CSTF3: variants seen among roughly 807,000 people sequenced by gnomAD.
CSTF3 encodes CF-1 77 kDa subunit.
In CSTF3, 29 loss-of-function variants were observed where a neutral mutation model predicts 105.8. The ratio of observed to expected loss-of-function variants is 0.27; its 90% CI spans 0.20 to 0.37. The LOEUF (loss-of-function observed/expected upper bound fraction) is 0.37. Among genes scored for constraint, CSTF3 ranks in the 10% least tolerant of loss-of-function variants. The pLI is 1.00. For missense variants in CSTF3, 357 were observed against 879.3 expected (o/e 0.41, Z 7.51); for synonymous variants, 252 against 281.9 (o/e 0.89, Z 1.06).
intron 3 of CSTF3, among the ~76,000 whole-genome samples, chr11:33,117,679 G>A (rs1379334130): frequency 6.6e-6 from 1 of 151,482 alleles, no homozygotes; most frequent in East Asian, 1.9e-4. Flanking sequence ...ATATATATGA[G>A]GATGTTCATT....
Position 33,113,062 on chromosome 11 carries a change from C to T in CSTF3, c.226-4644G>A, listed in dbSNP as rs1364407628. Among the ~76,000 whole-genome samples, 3 of 151,994 alleles carry T rather than the reference C, an allele frequency of 2.0e-5. No individual in the cohort carries two copies. In the East Asian group the frequency reaches 5.8e-4, roughly 30 times the overall value. On this transcript the variant is annotated intron_variant, in intron 3 of 20. Transcript: ENST00000323959. The stretch of plus-strand genomic sequence containing the variant: ...GTCTCTACTAAAAATATAAAATTAG[C>T]TGGGCATGGTGGCGCATGCCTGTAG...
At chr11:33,120,379 AGAGTTT>A (rs2133786366) in intron 3 of CSTF3, among the ~76,000 whole-genome samples, 1 of 151,916 alleles carries the variant, frequency 6.6e-6, no homozygotes, top group Admixed American at 6.6e-5. Flanking sequence ...TTTCTCCATT[AGAGTTT>A]TTTTCTTATA....
At chr11:33,136,674 CAT>C (rs1855656767) in intron 3 of CSTF3, among the ~76,000 whole-genome samples, 2 of 151,930 alleles carry the variant, frequency 1.3e-5, no homozygotes, top group African/African-American at 2.4e-5. Flanking sequence ...TAAAAAGTCT[CAT>C]GTGTTAGAAT....
chr11:33,091,683 C>A (rs2133769721), intron 16 of CSTF3, among the ~76,000 whole-genome samples: 1 of 152,222 alleles, frequency 6.6e-6, no homozygotes, highest in African/African-American at 2.4e-5. Flanking sequence ...ATGTTAATAT[C>A]AATTTCTAGG....
At chr11:33,159,421 TC>T (rs1849908136) in intron 1 of CSTF3, among the ~76,000 whole-genome samples, 1 of 151,322 alleles carries the variant, frequency 6.6e-6, no homozygotes, top group South Asian at 2.1e-4. Context: ...CGTGGCAAAA[TC>T]CCCGTCTCTA....
intron 3 of CSTF3, among the ~76,000 whole-genome samples, chr11:33,128,646 A>G (rs1056473505): frequency 6.6e-6 from 1 of 152,148 alleles, no homozygotes; most frequent in Non-Finnish European, 1.5e-5. Flanking sequence ...TCATATTTCT[A>G]TAATATTTCT....
chr11:33,152,756 C>T (rs990975686), intron 1 of CSTF3, among the ~76,000 whole-genome samples: 11 of 151,884 alleles, frequency 7.2e-5, no homozygotes, highest in African/African-American at 9.7e-5. Context: ...GTCAGGAGTT[C>T]GAGACCAGCC....
At chr11:33,150,580 G>A (rs1365279898) in intron 1 of CSTF3, among the ~76,000 whole-genome samples, 1 of 152,188 alleles carries the variant, frequency 6.6e-6, no homozygotes, top group African/African-American at 2.4e-5. Flanking sequence ...AGGGGGGCCA[G>A]GCACAGTGGC....
chr11:33,123,756 T>A (rs1299052001), intron 3 of CSTF3, among the ~76,000 whole-genome samples: 1 of 152,124 alleles, frequency 6.6e-6, no homozygotes, highest in African/African-American at 2.4e-5. Flanking sequence ...AACACATGAA[T>A]GTATGTGCAT....
chr11:33,139,408 T>TAAC (rs1855686660), intron 3 of CSTF3, among the ~76,000 whole-genome samples: 1 of 152,004 alleles, frequency 6.6e-6, no homozygotes, highest in Non-Finnish European at 1.5e-5. Context: ...ACTTAAGTAT[T>TAAC]ACTTTCAATG....
In CSTF3 at chr11:33,105,880, T is replaced by C. The variant is rs777931572; in HGVS notation, c.458+3A>G. 198 of 1,561,982 alleles carry C rather than the reference T, an allele frequency of 1.3e-4. 1 individual carries two copies. Among genetic ancestry groups the C allele is most frequent in the Non-Finnish European group, 1.7e-4 (192 of 1,152,400 alleles). On this transcript the variant is annotated splice_donor_region_variant and intron_variant, in intron 7 of 20. Transcript: ENST00000323959. Reference sequence around the variant, plus strand: ...TGTAAAAAAAAACTATACAAATACTTACACGCCTTTTAGGAAATTGATGTA... The same window carrying C: ...TGTAAAAAAAAACTATACAAATACTCACACGCCTTTTAGGAAATTGATGTA...
chr11:33,093,828 C>T (rs1176913786), intron 15 of CSTF3, among the ~76,000 whole-genome samples: 1 of 152,130 alleles, frequency 6.6e-6, no homozygotes, highest in African/African-American at 2.4e-5. Flanking sequence ...CCGCCTCAGC[C>T]TCCTGAGTAG....
chr11:33,154,258 T>C (rs959967495), intron 1 of CSTF3, among the ~76,000 whole-genome samples: 2 of 152,150 alleles, frequency 1.3e-5, no homozygotes, highest in Non-Finnish European at 1.5e-5. Context: ...AAATGGGCCA[T>C]GGGCTCCACT....
At chr11:33,095,410 T>C (rs1462083218) in intron 15 of CSTF3, among the ~76,000 whole-genome samples, 1 of 152,216 alleles carries the variant, frequency 6.6e-6, no homozygotes, top group Admixed American at 6.5e-5. Flanking sequence ...AATTACATAT[T>C]GTGCACTGTT....
chr11:33,107,872 C>T, intron 5 of CSTF3, 31 bp downstream of exon 5: 1 of 1,323,428 alleles, frequency 7.6e-7, no homozygotes, highest in Non-Finnish European at 1.1e-6. Flanking sequence ...CTGGAGATGA[C>T]TTGCATTCTT....
intron 3 of CSTF3, among the ~76,000 whole-genome samples, chr11:33,129,168 T>C (rs901725892): frequency 1.4e-4 from 21 of 152,340 alleles, no homozygotes; most frequent in Middle Eastern, 3.4e-3. Flanking sequence ...CTTGGCTCAC[T>C]GCAACCTCCG....
At chr11:33,105,817 A>G in intron 7 of CSTF3, 66 bp downstream of exon 7, 1 of 1,518,248 alleles carries the variant, frequency 6.6e-7, no homozygotes, top group Non-Finnish European at 9.0e-7. Context: ...GATTTCTCAA[A>G]GAACTAAAAA....
intron 20 of CSTF3, 110 bp downstream of exon 20, chr11:33,085,603 C>A (rs1444308923): frequency 2.0e-6 from 2 of 995,202 alleles, no homozygotes. Flanking sequence ...CACTGCACTT[C>A]AAATTGGCTG....
intron 3 of CSTF3, among the ~76,000 whole-genome samples, chr11:33,123,085 A>G (rs1855509235): frequency 6.6e-6 from 1 of 152,012 alleles, no homozygotes; most frequent in African/African-American, 2.4e-5. Flanking sequence ...AATGTAACAC[A>G]TTATTTAAAT....
Sources: allele counts gnomAD v4.1 joint callset (sites outside exome capture counted in the v4.1 genomes callset), GRCh38; gene constraint gnomAD v4.1.1; transcripts MANE v1.5; gene names NCBI Gene and HGNC (gene_info 2026-07-23, HGNC 2026-07-21).